CPA6: variants seen among roughly 807,000 people sequenced by gnomAD.
CPA6 encodes carboxypeptidase A6, also known as carboxypeptidase B.
A neutral mutation model predicts 63.3 loss-of-function variants in CPA6; 58 were observed. The ratio of observed to expected loss-of-function variants is 0.92; its 90% CI spans 0.74 to 1.14. The LOEUF is 1.14. CPA6 is among the 50% of genes most tolerant of loss of function. The pLI is 0.00. For synonymous variants in CPA6, 185 were observed against 179.0 expected, an observed-to-expected ratio of 1.03 and a Z score of -0.27; for missense variants, 565 against 526.6, an observed-to-expected ratio of 1.07 and a Z score of -0.71.
intron 2 of CPA6, among the ~76,000 whole-genome samples, chr8:67,616,204 A>G (rs1433571376): frequency 6.6e-6 from 1 of 152,218 alleles, no homozygotes; most frequent in Non-Finnish European, 1.5e-5. Flanking sequence ...AGTCTTTTAT[A>G]AAAAGCTTCC....
At chr8:67,729,412 A>C (rs1363742389) in intron 1 of CPA6, among the ~76,000 whole-genome samples, 1 of 152,216 alleles carries the variant, frequency 6.6e-6, no homozygotes, top group Non-Finnish European at 1.5e-5. Context: ...ACTGTCATAT[A>C]CTGGCAACTT....
chr8:67,607,169 C>CTCT (rs1211819002), intron 2 of CPA6, among the ~76,000 whole-genome samples: 398 of 28,326 alleles, frequency 0.014, 15 homozygotes, highest in Non-Finnish European at 0.017. Context: ...CTTCTTCTTC[C>CTCT]TCTTCTTCTT....
intron 5 of CPA6, among the ~76,000 whole-genome samples, chr8:67,507,331 T>G (rs1811951488): frequency 6.6e-6 from 1 of 152,104 alleles, no homozygotes; most frequent in South Asian, 2.1e-4. Context: ...CCCTTTCTCT[T>G]TCCATCCCAA....
intron 2 of CPA6, among the ~76,000 whole-genome samples, chr8:67,622,578 C>T (rs1815106893): frequency 6.6e-6 from 1 of 152,028 alleles, no homozygotes; most frequent in African/African-American, 2.4e-5. Flanking sequence ...GAGGAGAAGA[C>T]AGGGAATCAA....
At chr8:67,577,311 A>G (rs1382583511) in intron 2 of CPA6, among the ~76,000 whole-genome samples, 6 of 152,200 alleles carry the variant, frequency 3.9e-5, no homozygotes, top group African/African-American at 1.4e-4. Context: ...CTAAACAGAT[A>G]AAACATTTTA....
chr8:67,447,305 G>T (rs954098425), intron 8 of CPA6, among the ~76,000 whole-genome samples: 1 of 151,950 alleles, frequency 6.6e-6, no homozygotes, highest in Non-Finnish European at 1.5e-5. Flanking sequence ...CCTGCCTATT[G>T]TTGGGAATTA....
chr8:67,707,036 T>A (rs1365288379), intron 1 of CPA6, among the ~76,000 whole-genome samples: 1 of 152,224 alleles, frequency 6.6e-6, no homozygotes, highest in Non-Finnish European at 1.5e-5. Flanking sequence ...GGTAACACAT[T>A]TCCTTGTCAA....
intron 2 of CPA6, among the ~76,000 whole-genome samples, chr8:67,589,090 C>T (rs965565370): frequency 6.7e-6 from 1 of 149,458 alleles, no homozygotes; most frequent in African/African-American, 2.5e-5. Flanking sequence ...TGCACTCCGG[C>T]ATGGGTGACA....
At chr8:67,640,607 T>C (rs1268212765) in intron 1 of CPA6, among the ~76,000 whole-genome samples, 2 of 151,344 alleles carry the variant, frequency 1.3e-5, no homozygotes, top group Admixed American at 6.6e-5. Context: ...GTAGGGGTCC[T>C]GCCTGTTCCT....
intron 1 of CPA6, among the ~76,000 whole-genome samples, chr8:67,709,916 G>A (rs1027578835): frequency 1.3e-5 from 2 of 151,954 alleles, no homozygotes; most frequent in African/African-American, 4.8e-5. Context: ...TTTGAGACCA[G>A]CCTGGCCAAC....
chr8:67,633,996 C>T (rs1007230262), intron 1 of CPA6, among the ~76,000 whole-genome samples: 3 of 151,480 alleles, frequency 2.0e-5, no homozygotes, highest in African/African-American at 7.3e-5. Context: ...CCTTGAAGTT[C>T]GTATGTTGAA....
chr8:67,641,819 T>TA (rs200922321), intron 1 of CPA6, among the ~76,000 whole-genome samples: 47 of 147,884 alleles, frequency 3.2e-4, no homozygotes, highest in African/African-American at 9.2e-4. Context: ...ATAGCAAACT[T>TA]AAAAAAAAAA....
intron 1 of CPA6, among the ~76,000 whole-genome samples, chr8:67,739,083 G>T (rs919877393): frequency 2.6e-5 from 4 of 152,138 alleles, no homozygotes; most frequent in African/African-American, 9.7e-5. Context: ...TAAAATAAAG[G>T]GTCCATTATC....
At chr8:67,505,461 A>C (rs528245052) in intron 6 of CPA6, among the ~76,000 whole-genome samples, 1 of 152,210 alleles carries the variant, frequency 6.6e-6, no homozygotes. Flanking sequence ...ATGTTCTTCA[A>C]TAATATACAT....
intron 2 of CPA6, among the ~76,000 whole-genome samples, chr8:67,583,229 G>T (rs1396031257): frequency 6.6e-6 from 1 of 152,080 alleles, no homozygotes; most frequent in Non-Finnish European, 1.5e-5. Context: ...TTGGTTAGTG[G>T]TAGTTGCTGG....
At chr8:67,690,516 A>T (rs529698189) in intron 1 of CPA6, among the ~76,000 whole-genome samples, 1 of 152,194 alleles carries the variant, frequency 6.6e-6, no homozygotes, top group African/African-American at 2.4e-5. Context: ...GTTCTAAGGT[A>T]TGTTATTTAA....
intron 6 of CPA6, among the ~76,000 whole-genome samples, chr8:67,503,023 T>A (rs554906807): frequency 1.8e-3 from 272 of 152,206 alleles, no homozygotes; most frequent in African/African-American, 5.3e-3. Flanking sequence ...CTTGATTTTT[T>A]AATTTCTATT....
At chr8:67,520,078 C>G (rs1812229160) in intron 2 of CPA6, among the ~76,000 whole-genome samples, 1 of 152,096 alleles carries the variant, frequency 6.6e-6, no homozygotes, top group African/African-American at 2.4e-5. Context: ...GGACTTGCCT[C>G]TAAACCCATT....
chr8:67,654,295 A>G (rs932541989), intron 1 of CPA6, among the ~76,000 whole-genome samples: 2 of 152,078 alleles, frequency 1.3e-5, no homozygotes, highest in Non-Finnish European at 2.9e-5. Flanking sequence ...TTTTCTATTG[A>G]TTGGAATGGT....
Sources: gnomAD v4.1 joint callset for allele counts (sites outside exome capture counted in the v4.1 genomes callset) on GRCh38, gnomAD v4.1.1 for gene constraint, MANE v1.5 for transcripts, NCBI Gene and HGNC (gene_info 2026-07-23, HGNC 2026-07-21) for gene names.